Variants in RAD51B observed in about 807,000 individuals in gnomAD.
RAD51B encodes DNA repair protein RAD51 homolog 2.
In RAD51B, 38 loss-of-function variants were observed where a neutral mutation model predicts 42.2. That is an observed-to-expected ratio of 0.90 (90% CI 0.70 to 1.18). The LOEUF (loss-of-function observed/expected upper bound fraction) is 1.18, where lower values mean the gene tolerates loss of function less well. Ranked by LOEUF, RAD51B falls within the 50% of genes most tolerant of loss-of-function variation. The pLI is 0.00. For synonymous variants in RAD51B, 154 were observed against 145.2 expected (o/e 1.06, Z -0.43); for missense variants, 373 against 400.7 (o/e 0.93, Z 0.59).
At chr14:68,209,177 T>G (rs966852288) in intron 7 of RAD51B, among the ~76,000 whole-genome samples, 4 of 152,200 alleles carry the variant, frequency 2.6e-5, no homozygotes, top group African/African-American at 9.7e-5. Flanking sequence ...TTTCTTCCAA[T>G]AGAGAACAAT....
intron 7 of RAD51B, among the ~76,000 whole-genome samples, chr14:68,154,375 A>G (rs2078454979): frequency 6.6e-6 from 1 of 152,174 alleles, no homozygotes; most frequent in South Asian, 2.1e-4. Context: ...GAAGTTTTCC[A>G]TTCTTATTCG....
chr14:67,996,469 G>T (rs1350082560), intron 7 of RAD51B, among the ~76,000 whole-genome samples: 1 of 151,710 alleles, frequency 6.6e-6, no homozygotes, highest in Non-Finnish European at 1.5e-5. Flanking sequence ...GTTCCATAAC[G>T]GTGAAATCTC....
At chr14:68,092,272 G>A (rs535777188) in intron 7 of RAD51B, among the ~76,000 whole-genome samples, 5 of 151,840 alleles carry the variant, frequency 3.3e-5, no homozygotes, top group Admixed American at 6.6e-5. Flanking sequence ...GGCATTGAAC[G>A]TATAAATTAC....
At chr14:68,151,823 CTTTTTTT>C (rs71129868) in intron 7 of RAD51B, among the ~76,000 whole-genome samples, 2 of 39,936 alleles carry the variant, frequency 5.0e-5, no homozygotes, top group African/African-American at 1.9e-4. Context: ...GTTATAAAGA[CTTTTTTT>C]TTTTTTTTTT....
chr14:68,666,563 G>A (rs1467114821), intron 11 of RAD51B, among the ~76,000 whole-genome samples: 1 of 152,180 alleles, frequency 6.6e-6, no homozygotes, highest in Non-Finnish European at 1.5e-5. Flanking sequence ...CAGGCAGGAA[G>A]TTCCATCAGC....
chr14:68,421,771 A>G, intron 9 of RAD51B: 3 of 1,597,996 alleles, frequency 1.9e-6, no homozygotes, highest in South Asian at 2.2e-5. Flanking sequence ...AAAGCACTCC[A>G]TGCCTCCACA....
At chr14:68,120,225 T>C (rs2077623965) in intron 7 of RAD51B, among the ~76,000 whole-genome samples, 1 of 152,144 alleles carries the variant, frequency 6.6e-6, no homozygotes, top group Non-Finnish European at 1.5e-5. Flanking sequence ...ATTAGCCCTT[T>C]GTCAGATGAG....
chr14:68,581,359 G>T (rs986777415), intron 10 of RAD51B, among the ~76,000 whole-genome samples: 8 of 152,212 alleles, frequency 5.3e-5, no homozygotes, highest in African/African-American at 1.4e-4. Context: ...GCTCTGGGCT[G>T]TGGAAGCGTT....
intron 7 of RAD51B, among the ~76,000 whole-genome samples, chr14:68,040,205 A>G (rs954048491): frequency 6.6e-6 from 1 of 152,188 alleles, no homozygotes; most frequent in African/African-American, 2.4e-5. Context: ...AACTGCGTTT[A>G]AACTCTACCA....
intron 7 of RAD51B, among the ~76,000 whole-genome samples, chr14:67,895,636 T>C (rs2043387671): frequency 6.6e-6 from 1 of 152,200 alleles, no homozygotes; most frequent in African/African-American, 2.4e-5. Flanking sequence ...CACAGTTGTA[T>C]CCTTTGAAGC....
chr14:67,961,234 G>A (rs1473980869), intron 7 of RAD51B, among the ~76,000 whole-genome samples: 1 of 152,042 alleles, frequency 6.6e-6, no homozygotes, highest in Non-Finnish European at 1.5e-5. Context: ...TCAAACTTCT[G>A]GGCTCAAGCA....
At chr14:68,348,769 G>C (rs1047554845) in intron 8 of RAD51B, among the ~76,000 whole-genome samples, 10 of 152,148 alleles carry the variant, frequency 6.6e-5, no homozygotes, top group Non-Finnish European at 2.9e-5. Context: ...CATGGTGGGG[G>C]GCGCCTGTAG....
chr14:68,321,767 T>C (rs1011479898), intron 8 of RAD51B, among the ~76,000 whole-genome samples: 3 of 152,218 alleles, frequency 2.0e-5, no homozygotes, highest in African/African-American at 7.2e-5. Flanking sequence ...GTTTATTTTT[T>C]TGAGACAGGG....
At chr14:68,648,036 T>TATATACAC (rs375269798) in intron 10 of RAD51B, among the ~76,000 whole-genome samples, 7 of 114,008 alleles carry the variant, frequency 6.1e-5, no homozygotes, top group African/African-American at 2.0e-4. Context: ...TATATATATA[T>TATATACAC]ACACACGTAT....
chr14:68,101,414 C>A (rs1307589970), intron 7 of RAD51B, among the ~76,000 whole-genome samples: 4 of 152,008 alleles, frequency 2.6e-5, no homozygotes, highest in East Asian at 1.9e-4. Flanking sequence ...CCTGTAAAAT[C>A]AAAAACAAGT....
At chr14:68,171,410 C>T (rs2078868766) in intron 7 of RAD51B, among the ~76,000 whole-genome samples, 1 of 152,036 alleles carries the variant, frequency 6.6e-6, no homozygotes, top group Non-Finnish European at 1.5e-5. Flanking sequence ...AGTGATTCTC[C>T]TGCCTCAGCC....
chr14:68,494,847 G>A (rs1884379854), intron 10 of RAD51B, among the ~76,000 whole-genome samples: 1 of 151,930 alleles, frequency 6.6e-6, no homozygotes. Flanking sequence ...AGCAGAGTAT[G>A]TGATAAGAGA....
At chr14:68,466,314 G>A (rs1054646580) in intron 9 of RAD51B, among the ~76,000 whole-genome samples, 3 of 152,158 alleles carry the variant, frequency 2.0e-5, no homozygotes, top group Non-Finnish European at 2.9e-5. Context: ...ACAGTGACAG[G>A]TATTTTGTAT....
chr14:67,936,031 T>A (rs1263390931), intron 7 of RAD51B, among the ~76,000 whole-genome samples: 1 of 151,740 alleles, frequency 6.6e-6, no homozygotes, highest in Non-Finnish European at 1.5e-5. Flanking sequence ...AGGTCTATCT[T>A]ATAAAGGACA....
Sources: allele counts gnomAD v4.1 joint callset (sites outside exome capture counted in the v4.1 genomes callset), GRCh38; gene constraint gnomAD v4.1.1; transcripts MANE v1.5; gene names NCBI Gene and HGNC (gene_info 2026-07-23, HGNC 2026-07-21).